The following DLG2 variants were observed in gnomAD, a reference collection of about 807,000 sequenced individuals.
DLG2 encodes the protein disks large homolog 2.
DLG2 carries 45 observed loss-of-function variants against 132.5 expected under a neutral mutation model. The ratio of observed to expected loss-of-function variants is 0.34; its 90% CI spans 0.27 to 0.44. DLG2 has a LOEUF of 0.44. Ranked by LOEUF, DLG2 falls within the 20% of genes least tolerant of loss-of-function variation. The pLI, the probability that DLG2 is intolerant of heterozygous loss-of-function variation, is 1.00. For synonymous variants in DLG2, 424 were observed against 419.6 expected, an observed-to-expected ratio of 1.01 and a Z score of -0.13; for missense variants, 1,045 against 1,196.9, an observed-to-expected ratio of 0.87 and a Z score of 1.87.
chr11:84,164,167 A>G (rs1451582771), intron 8 of DLG2, among the ~76,000 whole-genome samples: 1 of 152,200 alleles, frequency 6.6e-6, no homozygotes, highest in Non-Finnish European at 1.5e-5. Flanking sequence ...CAATCCTTGT[A>G]TTGATTTGAA....
rs1438933358 is a variant in DLG2, at chr11:84,642,096, T to C, written c.358-107365A>G. On this transcript the variant is annotated intron_variant, in intron 6 of 27. Coordinates refer to ENST00000376104, the MANE Select transcript of DLG2 (RefSeq NM_001142699.3). ...TGTGTGTGTGTGTATATGTAGAGTG[T>C]GTGTGTGTGTGTATATGTAGAGTGT... Among the ~76,000 whole-genome samples the C allele has an allele frequency of 2.2e-5, 3 of 136,692 alleles. No homozygotes were observed. In the East Asian group the frequency reaches 6.2e-4, roughly 28 times the overall value. 89.7% of individuals were successfully genotyped at this position (136,692 alleles called of 152,430 possible). A position where few individuals can be genotyped will look rare whatever the true frequency, so the allele number is the denominator to read the frequency against.
intron 6 of DLG2, among the ~76,000 whole-genome samples, chr11:85,073,553 C>A (rs2066145990): frequency 6.6e-6 from 1 of 151,794 alleles, no homozygotes; most frequent in South Asian, 2.1e-4. Flanking sequence ...TATCCATTTG[C>A]TTTCAGCCTT....
chr11:83,865,459 A>AG (rs34075129), intron 16 of DLG2, among the ~76,000 whole-genome samples: 31,346 of 151,514 alleles, frequency 0.21, 4,634 homozygotes, highest in East Asian at 0.43. Flanking sequence ...TGAACAGCGA[A>AG]AAAAAAAAGA....
At chr11:85,054,048 C>A (rs1055851692) in intron 6 of DLG2, among the ~76,000 whole-genome samples, 11 of 151,878 alleles carry the variant, frequency 7.2e-5, no homozygotes, top group Admixed American at 6.6e-4. Context: ...GGGTGGATCA[C>A]AACGTCAGGA....
chr11:84,578,436 G>T (rs1291495288), intron 6 of DLG2, among the ~76,000 whole-genome samples: 3 of 152,162 alleles, frequency 2.0e-5, no homozygotes, highest in Non-Finnish European at 4.4e-5. Context: ...CAAGAGCATG[G>T]GAACCCATCT....
intron 7 of DLG2, among the ~76,000 whole-genome samples, chr11:84,472,370 G>C (rs750525906): frequency 5.9e-5 from 9 of 151,678 alleles, no homozygotes; most frequent in Non-Finnish European, 1.0e-4. Flanking sequence ...AAAAATCTTT[G>C]GTGAGATAAA....
chr11:84,658,773 T>C (rs576550773), intron 6 of DLG2, among the ~76,000 whole-genome samples: 3 of 152,176 alleles, frequency 2.0e-5, no homozygotes, highest in African/African-American at 7.2e-5. Flanking sequence ...GCCCTCACCA[T>C]AGGCCAGCAC....
intron 19 of DLG2, among the ~76,000 whole-genome samples, chr11:83,560,966 C>T (rs1372150857): frequency 6.6e-6 from 1 of 151,068 alleles, no homozygotes; most frequent in African/African-American, 2.4e-5. Flanking sequence ...AAGCATGATG[C>T]TGGCATCTGC....
chr11:84,600,212 G>GAAAGAA (rs1555083042), intron 6 of DLG2, among the ~76,000 whole-genome samples: 2 of 137,224 alleles, frequency 1.5e-5, no homozygotes, highest in East Asian at 4.0e-4. Context: ...AAGAAAGAAA[G>GAAAGAA]AAAGAAAGAA....
At chr11:84,588,791 A>AC (rs1179342270) in intron 6 of DLG2, among the ~76,000 whole-genome samples, 1 of 151,974 alleles carries the variant, frequency 6.6e-6, no homozygotes. Flanking sequence ...TGAAAAAAAA[A>AC]AAAAAACAAA....
At chr11:85,139,106 T>TC (rs2076300901) in intron 5 of DLG2, among the ~76,000 whole-genome samples, 1 of 152,212 alleles carries the variant, frequency 6.6e-6, no homozygotes, top group African/African-American at 2.4e-5. Flanking sequence ...TAGAATCTCT[T>TC]CCATCCCTTC....
chr11:85,222,657 T>C (rs986908754), intron 4 of DLG2, among the ~76,000 whole-genome samples: 3 of 152,238 alleles, frequency 2.0e-5, no homozygotes, highest in African/African-American at 7.2e-5. Context: ...CCAGGCAATC[T>C]AGACCCAGAG....
At chr11:85,573,729 T>C (rs1028317732) in intron 3 of DLG2, among the ~76,000 whole-genome samples, 6 of 152,212 alleles carry the variant, frequency 3.9e-5, no homozygotes, top group African/African-American at 1.4e-4. Context: ...GTTCTGCTAT[T>C]TGCAGTCAAG....
chr11:84,881,397 C>A (rs1478264864), intron 6 of DLG2, among the ~76,000 whole-genome samples: 1 of 152,108 alleles, frequency 6.6e-6, no homozygotes, highest in African/African-American at 2.4e-5. Context: ...CAAGGGAGAT[C>A]ACAGCCTGAT....
chr11:83,790,879 A>C, intron 17 of DLG2: 1 of 754,088 alleles, frequency 1.3e-6, no homozygotes, highest in East Asian at 2.4e-5. Flanking sequence ...GATCCTTCCA[A>C]AGGACACATC....
chr11:84,158,370 G>A (rs1243831676), intron 9 of DLG2, among the ~76,000 whole-genome samples: 1 of 152,092 alleles, frequency 6.6e-6, no homozygotes, highest in Non-Finnish European at 1.5e-5. Flanking sequence ...GCCTATTGTT[G>A]TTGTTTTCAA....
chr11:85,421,031 G>A (rs377737524), intron 3 of DLG2, among the ~76,000 whole-genome samples: 1 of 152,158 alleles, frequency 6.6e-6, no homozygotes, highest in South Asian at 2.1e-4. Context: ...AAACACTCCT[G>A]CCACTAGCTC....
intron 6 of DLG2, among the ~76,000 whole-genome samples, chr11:85,039,173 T>C (rs1160941124): frequency 6.6e-6 from 1 of 151,874 alleles, no homozygotes; most frequent in Non-Finnish European, 1.5e-5. Context: ...TTTGGTTTAT[T>C]CACACAAAGG....
chr11:85,067,452 G>C (rs2065103145), intron 6 of DLG2, among the ~76,000 whole-genome samples: 1 of 151,786 alleles, frequency 6.6e-6, no homozygotes, highest in Non-Finnish European at 1.5e-5. Context: ...GTCAATTTTA[G>C]ATCTTTCCTG....
Sources: allele counts gnomAD v4.1 joint callset (sites outside exome capture counted in the v4.1 genomes callset), GRCh38; gene constraint gnomAD v4.1.1; transcripts MANE v1.5; gene names NCBI Gene and HGNC (gene_info 2026-07-23, HGNC 2026-07-21).